RCL1: variants seen among roughly 807,000 people sequenced by gnomAD.
The protein encoded by RCL1 is RNA terminal phosphate cyclase like 1.
RCL1 carries 24 observed loss-of-function variants against 42.4 expected under a neutral mutation model. That is an observed-to-expected ratio of 0.57 (90% CI 0.41 to 0.80). The LOEUF (loss-of-function observed/expected upper bound fraction) is 0.80, where lower values mean the gene tolerates loss of function less well. Ranked by LOEUF, RCL1 falls within the 30% of genes least tolerant of loss-of-function variation. The pLI, the probability that RCL1 is intolerant of heterozygous loss-of-function variation, is 0.00. For missense variants in RCL1, 578 were observed against 467.9 expected, an observed-to-expected ratio of 1.24 and a Z score of -2.17; for synonymous variants, 228 against 177.3, an observed-to-expected ratio of 1.29 and a Z score of -2.27.
At chr9:4,822,232 T>A (rs139733805) in intron 1 of RCL1, among the ~76,000 whole-genome samples, 240 of 152,306 alleles carry the variant, frequency 1.6e-3, no homozygotes, top group African/African-American at 5.4e-3. Flanking sequence ...TTGGGATCAG[T>A]TTAGGTGACT....
rs368063605 is a variant in RCL1, at chr9:4,826,953, C to G, written c.304C>G (p.Leu102Val). 196 of 1,614,132 alleles carry G rather than the reference C, an allele frequency of 1.2e-4. 2 individuals carry two copies. In the South Asian group the frequency reaches 2.0e-3, roughly 16 times the overall value. Reference protein sequence around the residue: ...LRGIGYYLESLLCLAPFMKHP... With the variant: ...LRGIGYYLESVLCLAPFMKHP... ...TGGCATTGGGTATTACCTGGAGAGT[C>G]TTCTTTGCTTGGCTCCATTTATGAA... Residue 102 changes from leucine to valine, a missense_variant, in exon 3 of 9, where the codon CTT becomes GTT. Transcript: ENST00000381750.
chr9:4,806,587 TACACACACACACACAC>T (rs71326137), intron 1 of RCL1, among the ~76,000 whole-genome samples: 36 of 135,766 alleles, frequency 2.7e-4, no homozygotes, highest in East Asian at 2.4e-3. Context: ...CTACTTGATC[TACACACACACACACAC>T]ACACACACAC....
At position 4,833,174 on chromosome 9, in the gene RCL1, A is replaced by G. The variant is rs777057704; in HGVS notation, c.405A>G (p.Thr135=). 6.2e-7 allele frequency: 1 copy of G among 1,612,612 alleles called. No individual in the cohort carries two copies. The highest frequency in any genetic ancestry group is 1.1e-5 in the South Asian group (1 of 91,050). The change falls in exon 4 of 9, where the codon ACA becomes ACG. Residue 135 remains threonine, a synonymous_variant. Coordinates refer to ENST00000381750, the MANE Select transcript of RCL1 (RefSeq NM_005772.5). ...VDPSVDVLKA[T]ALPLLKQFGI... ...CATAGGTTGATGTTCTTAAGGCAAC[A>G]GCACTCCCTTTGTTGAAACAATTTG...
chr9:4,823,931 A>C (rs775439073), intron 2 of RCL1, among the ~76,000 whole-genome samples: 3 of 152,134 alleles, frequency 2.0e-5, no homozygotes, highest in Non-Finnish European at 4.4e-5. Flanking sequence ...CCGTGTTCCG[A>C]TGGAAAGACC....
At chr9:4,803,144 G>C (rs560356285) in intron 1 of RCL1, among the ~76,000 whole-genome samples, 18 of 152,128 alleles carry the variant, frequency 1.2e-4, no homozygotes, top group Non-Finnish European at 2.2e-4. Flanking sequence ...CACTGCATCT[G>C]ACCAAAATGT....
intron 8 of RCL1, chr9:4,850,250 G>A (rs1244410081): frequency 3.9e-6 from 2 of 516,758 alleles, no homozygotes; most frequent in African/African-American, 1.9e-5. Context: ...CCCATCTGAG[G>A]TTGGTGAGCT....
chr9:4,825,206 A>G (rs1344103176), intron 2 of RCL1, among the ~76,000 whole-genome samples: 1 of 151,916 alleles, frequency 6.6e-6, no homozygotes, highest in African/African-American at 2.4e-5. Context: ...TTCTAGTCAT[A>G]CTGGCAATGT....
intron 1 of RCL1, among the ~76,000 whole-genome samples, chr9:4,808,971 C>T (rs79075814): frequency 0.095 from 14,460 of 152,268 alleles, 912 homozygotes; most frequent in Middle Eastern, 0.22. Flanking sequence ...CCTCTGGCTA[C>T]TTAACTCTTG....
intron 5 of RCL1, among the ~76,000 whole-genome samples, chr9:4,839,232 C>T (rs1817235198): frequency 6.6e-6 from 1 of 152,164 alleles, no homozygotes; most frequent in South Asian, 2.1e-4. Context: ...ATTCTGTAGG[C>T]CCTGAATTCG....
chr9:4,813,741 A>G (rs1047980313), intron 1 of RCL1, among the ~76,000 whole-genome samples: 1 of 152,242 alleles, frequency 6.6e-6, no homozygotes, highest in East Asian at 1.9e-4. Flanking sequence ...ACGCACACGT[A>G]TGTTTATTGC....
chr9:4,820,086 T>G (rs1178013753), intron 1 of RCL1, among the ~76,000 whole-genome samples: 1 of 152,248 alleles, frequency 6.6e-6, no homozygotes, highest in African/African-American at 2.4e-5. Context: ...GCATTGACTT[T>G]GATTCTCTTT....
At chr9:4,841,505 C>T (rs1192009510) in intron 6 of RCL1, 148 bp downstream of exon 6, 2 of 676,064 alleles carry the variant, frequency 3.0e-6, no homozygotes, top group African/African-American at 3.6e-5. Context: ...CCGTTGTCAC[C>T]AACAGGCATT....
intron 1 of RCL1, among the ~76,000 whole-genome samples, chr9:4,823,319 A>C (rs1264762918): frequency 6.9e-6 from 1 of 144,002 alleles, no homozygotes; most frequent in Admixed American, 7.1e-5. Flanking sequence ...GTGAAAGCTG[A>C]ATTGTTTCTA....
intron 1 of RCL1, among the ~76,000 whole-genome samples, chr9:4,822,416 G>A (rs1816624415): frequency 2.0e-5 from 3 of 152,156 alleles, no homozygotes; most frequent in Admixed American, 2.0e-4. Context: ...TCAGGGGAAG[G>A]AAGACTGGAG....
At chr9:4,812,129 T>C (rs1482898342) in intron 1 of RCL1, among the ~76,000 whole-genome samples, 1 of 152,142 alleles carries the variant, frequency 6.6e-6, no homozygotes, top group African/African-American at 2.4e-5. Context: ...GTATTTTTCT[T>C]TCATAGCTTC....
chr9:4,806,629 CACACAT>C (rs950884724), intron 1 of RCL1, among the ~76,000 whole-genome samples: 1 of 145,044 alleles, frequency 6.9e-6, no homozygotes, highest in East Asian at 2.1e-4. Context: ...CACACACACA[CACACAT>C]ATACTTACAT....
Position 4,841,259 on chromosome 9 carries a change from G to A in RCL1, c.612G>A (p.Met204Ile). 2 of 1,613,764 alleles carry A rather than the reference G, an allele frequency of 1.2e-6. No individual in the cohort carries two copies. Among genetic ancestry groups the A allele is most frequent in the South Asian group, 1.1e-5 (1 of 91,066 alleles). Residue 204 changes from methionine (M) to isoleucine (I), a missense_variant, in exon 6 of 9, where the codon ATG becomes ATA. By Grantham distance (10) the Met-to-Ile change is conservative (BLOSUM62 1). Transcript: ENST00000381750. ...MAYSVRVSPQMANRIVDSARS... is the reference protein window; with the variant it reads ...MAYSVRVSPQIANRIVDSARS... ...ACTCTGTACGTGTGTCACCTCAGAT[G>A]GCGAACCGGATTGTGGATTCTGCAA... is the stretch of plus-strand genomic sequence containing the variant.
chr9:4,860,488 C>G lies in RCL1; in HGVS notation c.*213C>G. 1.8e-6 allele frequency: 1 copy of G among 542,242 alleles called. No homozygotes were observed. The highest frequency in any genetic ancestry group is 4.1e-5 in the Admixed American group (1 of 24,456). The allele number at this position is 542,242 out of a possible 1,614,324, so 33.6% of individuals were successfully genotyped here. On this transcript the variant is annotated 3_prime_UTR_variant, in exon 9 of 9. Coordinates refer to ENST00000381750, the MANE Select transcript of RCL1 (RefSeq NM_005772.5). ...GGCATTGCCATTGCCCAGGAGGGGC[C>G]CAGTCACCATGAGAGCTCCCTTGCC...
At chr9:4,819,861 T>A (rs1160879589) in intron 1 of RCL1, among the ~76,000 whole-genome samples, 4 of 152,056 alleles carry the variant, frequency 2.6e-5, no homozygotes, top group Non-Finnish European at 4.4e-5. Context: ...ACTCAATATA[T>A]CCATGTAATA....
Sources: allele counts gnomAD v4.1 joint callset (sites outside exome capture counted in the v4.1 genomes callset), GRCh38; gene constraint gnomAD v4.1.1; transcripts MANE v1.5; gene names NCBI Gene and HGNC (gene_info 2026-07-23, HGNC 2026-07-21).